The following WNT16 variants were observed in gnomAD, a reference collection of about 807,000 sequenced individuals.
WNT16 encodes the protein protein Wnt-16.
In WNT16, 20 loss-of-function variants were observed where a neutral mutation model predicts 35.4. The ratio of observed to expected loss-of-function variants is 0.56; its 90% CI spans 0.40 to 0.82. WNT16 has a LOEUF of 0.82. WNT16 is among the 40% of genes least tolerant of loss of function. The probability of loss-of-function intolerance (pLI) is 0.00; values close to 1 mark genes in which losing one functional copy is unlikely to be tolerated. For missense variants in WNT16, 461 were observed against 466.0 expected (o/e 0.99, Z 0.10); for synonymous variants, 180 against 179.2 (o/e 1.00, Z -0.03).
In WNT16 at chr7:121,332,254, A is replaced by G. The variant is rs201506838; in HGVS notation, c.633+290A>G. On this transcript the variant is annotated intron_variant, in intron 3 of 3. Transcript: ENST00000222462. The stretch of plus-strand genomic sequence containing the variant: ...TAAATATACGTGTGTGTGTGTGTGT[A>G]TACACATTTGCACATATATTACAAA... Among the ~76,000 whole-genome samples the G allele has an allele frequency of 9.8e-3, 1,010 of 103,048 alleles. 9 individuals are homozygous for G. Among genetic ancestry groups the G allele is most frequent in the African/African-American group, 0.037 (945 of 25,840 alleles). The allele number at this position is 103,048 out of a possible 152,430, so 67.6% of individuals were successfully genotyped here.
chr7:121,339,308 G>GGT lies in WNT16; in HGVS notation c.1065_1066dup (p.Glu356ValfsTer4). Reference sequence around the variant, plus strand: ...TGGTGCTGCTATGTCCGTTGCAGGAGGTGTGAAAGCATGACTGATGTCCAC... The same window carrying GGT: ...TGGTGCTGCTATGTCCGTTGCAGGAGGTGTGTGAAAGCATGACTGATGTCCAC... On this transcript the variant is annotated frameshift_variant, in exon 4 of 4. Transcript: ENST00000222462. LOFTEE classifies it high-confidence loss of function. 6.2e-7 allele frequency: 1 copy of GGT among 1,613,770 alleles called. No homozygotes were observed. The highest frequency in any genetic ancestry group is 1.3e-5 in the African/African-American group (1 of 75,046).
At chr7:121,329,847 G>A (rs778021067) in intron 2 of WNT16, 30 bp downstream of exon 2, 9 of 1,590,370 alleles carry the variant, frequency 5.7e-6, no homozygotes, top group Admixed American at 3.4e-5. Flanking sequence ...GGGTTGGTGG[G>A]GGACGGAAGG....
rs1162311898 is a variant in WNT16, at chr7:121,339,213, C to T, written c.966C>T (p.Leu322=). The T allele has an allele frequency of 6.2e-7, 1 of 1,614,064 alleles. No individual in the cohort carries two copies. The highest frequency in any genetic ancestry group is 8.5e-7 in the Non-Finnish European group (1 of 1,180,026). ...RTSEGADGCN[L]LCCGRGYNTH... The stretch of plus-strand genomic sequence containing the variant: ...CAGAGGGTGCAGATGGCTGCAACCT[C>T]CTCTGCTGTGGCCGAGGTTACAACA... Residue 322 remains leucine, a synonymous_variant, in exon 4 of 4, where the codon CTC becomes CTT. Coordinates refer to ENST00000222462, the MANE Select transcript of WNT16 (RefSeq NM_057168.2).
At position 121,329,025 on chromosome 7, in the gene WNT16, C is replaced by A; in HGVS notation, c.-268C>A. 1 of 1,217,328 alleles carries A rather than the reference C, an allele frequency of 8.2e-7. No homozygotes were observed. The highest frequency in any genetic ancestry group is 1.0e-6 in the Non-Finnish European group (1 of 976,748). 75.4% of individuals were successfully genotyped at this position (1,217,328 alleles called of 1,614,324 possible). On this transcript the variant is annotated 5_prime_UTR_variant, in exon 1 of 4. Transcript: ENST00000222462. The stretch of plus-strand genomic sequence containing the variant: ...AACAGAAGTTTCTCACCTAGGAATG[C>A]GAGGGGCGCTCCCGCATCTCCTGCA...
chr7:121,331,736 G>T lies in WNT16; in HGVS notation c.405G>T (p.Val135=). The T allele has an allele frequency of 6.2e-7, 1 of 1,614,148 alleles. No homozygotes were observed. The highest frequency in any genetic ancestry group is 1.1e-5 in the South Asian group (1 of 91,062). ...TGGCTGCAGGCCTGGTGCATTCTGT[G>T]ACCAGGTCATGCAGTGCAGGCAACA... The part of the protein sequence containing the change: ...AVMAAGLVHS[V]TRSCSAGNMT... Residue 135 remains valine (V), a synonymous_variant, in exon 3 of 4, where the codon GTG becomes GTT. Coordinates refer to ENST00000222462, the MANE Select transcript of WNT16 (RefSeq NM_057168.2).
At chr7:121,335,711 C>G (rs1793432667) in intron 3 of WNT16, among the ~76,000 whole-genome samples, 1 of 152,000 alleles carries the variant, frequency 6.6e-6, no homozygotes. Context: ...ATGCAATTTC[C>G]TTAAATATAC....
chr7:121,329,339 G>A lies in WNT16; in HGVS notation c.47G>A (p.Trp16Ter), dbSNP rs574459927. ...LLGLARLCAL[W>*]AALLVLFPYG... ...GGACTGGCCCGCTTGTGCGCGCTGT[G>A]GGCAGCCCTGCTCGTGCTGTTCCCC... The change falls in exon 1 of 4, where the codon TGG (tryptophan) becomes TAG (stop). Residue 16 changes from tryptophan (W) to a stop codon, truncating the protein, a stop_gained. Coordinates refer to ENST00000222462, the MANE Select transcript of WNT16 (RefSeq NM_057168.2). LOFTEE classifies it high-confidence loss of function. The A allele has an allele frequency of 2.5e-6, 4 of 1,603,284 alleles. No individual in the cohort carries two copies. In the African/African-American group the frequency reaches 4.0e-5, roughly 16 times the overall value.
intron 3 of WNT16, among the ~76,000 whole-genome samples, chr7:121,337,940 A>G (rs1793466955): frequency 1.3e-5 from 2 of 152,226 alleles, no homozygotes; most frequent in Admixed American, 1.3e-4. Flanking sequence ...GGATAATGCT[A>G]CTGATTCATC....
At chr7:121,330,866 A>C (rs1038832832) in intron 2 of WNT16, among the ~76,000 whole-genome samples, 4 of 152,142 alleles carry the variant, frequency 2.6e-5, no homozygotes, top group Admixed American at 2.6e-4. Context: ...AGAAAAAAAA[A>C]AAGTCGCCTG....
Position 121,329,067 on chromosome 7 carries a change from CAGG to C in WNT16, c.-220_-218del, listed in dbSNP as rs1793291020. The C allele has an allele frequency of 7.8e-7, 1 of 1,277,820 alleles. No homozygotes were observed. The highest frequency in any genetic ancestry group is 9.9e-7 in the Non-Finnish European group (1 of 1,012,640). 79.2% of individuals were successfully genotyped at this position (1,277,820 alleles called of 1,614,324 possible). On this transcript the variant is annotated 5_prime_UTR_variant, in exon 1 of 4. Transcript: ENST00000222462. ...TCTCCTGCACATCTCCACCCCTGCGCAGGAGGAGATCCCCAGGCTGCTCTCTCC... is the reference window on the plus strand; with the variant it reads ...TCTCCTGCACATCTCCACCCCTGCGCAGGAGATCCCCAGGCTGCTCTCTCC...
chr7:121,326,666 C>T (rs1793248850), upstream of WNT16, among the ~76,000 whole-genome samples: 1 of 152,164 alleles, frequency 6.6e-6, no homozygotes, highest in African/African-American at 2.4e-5. Flanking sequence ...ACATTTATTG[C>T]ACGTATTATA....
chr7:121,334,416 A>T (rs952111792), intron 3 of WNT16, among the ~76,000 whole-genome samples: 3 of 152,162 alleles, frequency 2.0e-5, no homozygotes, highest in Admixed American at 1.3e-4. Context: ...CAAAAACAAA[A>T]CCAACAACAC....
Position 121,340,646 on chromosome 7 carries a change from A to G in WNT16, c.*1301A>G, listed in dbSNP as rs1325277127. The G allele has an allele frequency of 1.3e-5, 2 of 152,304 alleles. No individual in the cohort carries two copies. The highest frequency in any genetic ancestry group is 4.8e-5 in the African/African-American group (2 of 41,450). The allele number at this position is 152,304 out of a possible 1,614,324, so 9.4% of individuals were successfully genotyped here. ...ATATTAGTAAAAGTCTTAACTGGAA[A>G]AAAGAATCTAAATCAGAATAGTGAT... On this transcript the variant is annotated 3_prime_UTR_variant, in exon 4 of 4. Transcript: ENST00000222462.
rs749616647 is a variant in WNT16 at position 121,331,901 on chromosome 7, C to A, written c.570C>A (p.Thr190=). ...TCCTAGATTTCCCCATCGGAAACAC[C>A]ACGGGCAAAGAAAACAAAGTACTAT... ...RKFLDFPIGN[T]TGKENKVLLA... is the part of the protein sequence containing the mutation. Residue 190 remains threonine (T), a synonymous_variant, in exon 3 of 4, where the codon ACC becomes ACA. Transcript: ENST00000222462. 6.2e-7 allele frequency: 1 copy of A among 1,614,094 alleles called. No homozygotes were observed. The highest frequency in any genetic ancestry group is 1.1e-5 in the South Asian group (1 of 91,078).
At chr7:121,330,081 G>GA (rs1263705685) in intron 2 of WNT16, among the ~76,000 whole-genome samples, 3 of 152,106 alleles carry the variant, frequency 2.0e-5, no homozygotes, top group African/African-American at 4.8e-5. Context: ...GCCAGAGTTG[G>GA]AAAAAAAACT....
At position 121,338,920 on chromosome 7, in the gene WNT16, G is replaced by A. The variant is rs773372541; in HGVS notation, c.673G>A (p.Gly225Arg). The change falls in exon 4 of 4, where the codon GGA becomes AGA. Residue 225 changes from glycine (G) to arginine (R), a missense_variant. By Grantham distance (125) the Gly-to-Arg change is moderately radical (BLOSUM62 -2). Coordinates refer to ENST00000222462, the MANE Select transcript of WNT16 (RefSeq NM_057168.2). ...GATGTCAGTAGACTGCCGCTGCCAC[G>A]GAGTTTCCGGCTCCTGTGCTGTGAA... The part of the protein sequence containing the change: ...KLMSVDCRCH[G>R]VSGSCAVKTC... The A allele has an allele frequency of 3.1e-6, 5 of 1,613,950 alleles. No homozygotes were observed. Among genetic ancestry groups the A allele is most frequent in the Non-Finnish European group, 4.2e-6 (5 of 1,179,944 alleles).
At chr7:121,326,053 A>AAAAAAG (rs1793240114), upstream of WNT16, among the ~76,000 whole-genome samples, 2 of 150,830 alleles carry the variant, frequency 1.3e-5, no homozygotes, top group African/African-American at 4.9e-5. Flanking sequence ...AAAAAAAAAA[A>AAAAAAG]AAAAAAAAAA....
rs779421733 is a variant in WNT16, at chr7:121,339,954, T to TA, written c.*616dup. 1 of 152,726 alleles carries TA rather than the reference T, an allele frequency of 6.5e-6. No individual in the cohort carries two copies. 9.5% of individuals were successfully genotyped at this position (152,726 alleles called of 1,614,324 possible). On this transcript the variant is annotated 3_prime_UTR_variant, in exon 4 of 4. Transcript: ENST00000222462. ...ATCTTCTTAAGTGATATAATATCCC[T>TA]AAAAAAATGATCATTACAGATGTTT...
chr7:121,330,714 GAAAAAAAAAAAAA>G (rs11371537), intron 2 of WNT16, among the ~76,000 whole-genome samples: 2 of 88,196 alleles, frequency 2.3e-5, no homozygotes, highest in African/African-American at 4.6e-5. Context: ...CCCGTAGAGA[GAAAAAAAAAAAAA>G]AAAAAAAAAG....
Sources: gnomAD v4.1 joint callset for allele counts (sites outside exome capture counted in the v4.1 genomes callset) on GRCh38, gnomAD v4.1.1 for gene constraint, MANE v1.5 for transcripts, NCBI Gene and HGNC (gene_info 2026-07-23, HGNC 2026-07-21) for gene names.